The following GRIA3 variants were observed in gnomAD, a reference collection of about 807,000 sequenced individuals.
The protein encoded by GRIA3 is glutamate ionotropic receptor AMPA type subunit 3.
Under a neutral mutation model 63.0 loss-of-function variants are expected in GRIA3, and 3 were observed. That is an observed-to-expected ratio of 0.05 (90% CI 0.02 to 0.12). The LOEUF (loss-of-function observed/expected upper bound fraction) is 0.12, where lower values mean the gene tolerates loss of function less well. GRIA3 is among the 10% of genes least tolerant of loss of function. The pLI, the probability that GRIA3 is intolerant of heterozygous loss-of-function variation, is 1.00. For synonymous variants in GRIA3, 274 were observed against 257.9 expected (o/e 1.06, Z -0.60); for missense variants, 347 against 700.9 (o/e 0.50, Z 5.70).
chrX:123,474,730 T>G (rs911909256), intron 13 of GRIA3, among the ~76,000 whole-genome samples: 2 of 111,478 alleles, frequency 1.8e-5, no homozygotes, highest in African/African-American at 6.5e-5. Context: ...GTTTCTACTT[T>G]CACAGAAAAA....
chrX:123,488,492 A>G (rs1338388153), intron 15 of GRIA3, among the ~76,000 whole-genome samples: 1 of 112,130 alleles, frequency 8.9e-6, no homozygotes, highest in Non-Finnish European at 1.9e-5. Flanking sequence ...GCCTTGAATT[A>G]AACTTCCTGC....
rs1241722995 is a variant in GRIA3, at chrX:123,412,959, A to T, written c.1501-4443A>T. Among the ~76,000 whole-genome samples the T allele has an allele frequency of 1.3e-4, 15 of 111,806 alleles. No individual in the cohort carries two copies. The Admixed American group carries it at 1.4e-3, about 11-fold the overall frequency. Reference sequence around the variant, plus strand: ...TACAGAAATGCCAGGCTGAGGAAAAAAAAAGGCAGTGCCTAAGGGAAGCAG... The same window carrying T: ...TACAGAAATGCCAGGCTGAGGAAAATAAAAGGCAGTGCCTAAGGGAAGCAG... On this transcript the variant is annotated intron_variant, in intron 10 of 15. Coordinates refer to ENST00000620443, the MANE Select transcript of GRIA3 (RefSeq NM_007325.5).
intron 3 of GRIA3, among the ~76,000 whole-genome samples, chrX:123,300,647 TTTG>T (rs1043102336): frequency 2.7e-5 from 3 of 109,594 alleles, no homozygotes; most frequent in Middle Eastern, 8.4e-3. Context: ...TGTTTGTTTG[TTTG>T]TTTTTTGTAT....
chrX:123,471,989 T>TTATATATATATATATATATA, intron 13 of GRIA3, among the ~76,000 whole-genome samples: 1 of 4,027 alleles, frequency 2.5e-4, no homozygotes, highest in Non-Finnish European at 1.7e-3. Context: ...GCAATGGCAT[T>TTATATATATATATATATATA]CATATATATA....
At chrX:123,349,612 C>T (rs1223627719) in intron 4 of GRIA3, among the ~76,000 whole-genome samples, 1 of 112,444 alleles carries the variant, frequency 8.9e-6, no homozygotes, top group East Asian at 2.8e-4. Flanking sequence ...AAGCTTCAGC[C>T]TGTCTTTCTC....
intron 12 of GRIA3, among the ~76,000 whole-genome samples, chrX:123,453,057 T>C (rs900930030): frequency 1.8e-5 from 2 of 112,073 alleles, no homozygotes; most frequent in Admixed American, 9.4e-5. Flanking sequence ...ACCCAAAGGA[T>C]TATAAATCAT....
chrX:123,345,439 A>AACACACACACACAC lies in GRIA3; in HGVS notation c.697-9428_697-9415dup, dbSNP rs59142587. Reference sequence around the variant, plus strand: ...TCTCTGAGTGGGAGCCCCCCTTCACAACACACACACACACACACACACACA... The same window carrying AACACACACACACAC: ...TCTCTGAGTGGGAGCCCCCCTTCACAACACACACACACACACACACACACACACACACACACACA... On this transcript the variant is annotated intron_variant, in intron 4 of 15. Transcript: ENST00000620443. 2.6e-3 allele frequency among the ~76,000 whole-genome samples: 172 copies of AACACACACACACAC among 65,871 alleles called. 4 individuals are homozygous for AACACACACACACAC. The highest frequency in any genetic ancestry group is 0.01 in the African/African-American group (155 of 15,178). 57.2% of individuals were successfully genotyped at this position (65,871 alleles called of 115,157 possible).
At chrX:123,439,877 T>A (rs2045664304) in intron 12 of GRIA3, among the ~76,000 whole-genome samples, 1 of 111,232 alleles carries the variant, frequency 9.0e-6, no homozygotes, top group Non-Finnish European at 1.9e-5. Context: ...GTTGTATAGA[T>A]TATTTCATCA....
At chrX:123,268,226 C>A (rs909511521) in intron 3 of GRIA3, among the ~76,000 whole-genome samples, 1 of 111,435 alleles carries the variant, frequency 9.0e-6, no homozygotes, top group South Asian at 3.8e-4. Flanking sequence ...GGTTCCAACA[C>A]GCATACTACA....
Position 123,421,951 on chromosome X carries a change from G to A in GRIA3, c.1877+4173G>A, listed in dbSNP as rs907739381. Reference sequence around the variant, plus strand: ...GCTTTTTCCAATATCACAGACAAGGGAACAGCACCCGAAGGATGATGTGAT... The same window carrying A: ...GCTTTTTCCAATATCACAGACAAGGAAACAGCACCCGAAGGATGATGTGAT... On this transcript the variant is annotated intron_variant, in intron 11 of 15. Transcript: ENST00000620443. Among the ~76,000 whole-genome samples the A allele has an allele frequency of 2.2e-4, 24 of 111,621 alleles. 1 individual carries two copies. The highest frequency in any genetic ancestry group is 3.8e-4 in the Non-Finnish European group (20 of 53,089).
chrX:123,243,498 G>A, intron 2 of GRIA3, among the ~76,000 whole-genome samples: 1 of 111,634 alleles, frequency 9.0e-6, no homozygotes, highest in East Asian at 2.8e-4. Flanking sequence ...TCACATGCTA[G>A]TCTCTTTGCA....
At chrX:123,359,695 C>G (rs1245577502) in intron 5 of GRIA3, among the ~76,000 whole-genome samples, 1 of 111,917 alleles carries the variant, frequency 8.9e-6, no homozygotes, top group East Asian at 2.8e-4. Flanking sequence ...GATCCAACAA[C>G]AGATGTTCAT....
intron 12 of GRIA3, among the ~76,000 whole-genome samples, chrX:123,459,819 C>CAAAA (rs10716553): frequency 1.1e-5 from 1 of 91,179 alleles, no homozygotes. Context: ...AGACAGAATG[C>CAAAA]AAAAAAAAAA....
chrX:123,403,666 C>A (rs1331613094), intron 9 of GRIA3, 147 bp downstream of exon 9: 4 of 508,365 alleles, frequency 7.9e-6, no homozygotes, highest in Non-Finnish European at 7.0e-6. Context: ...AAGTATCTTG[C>A]CATGATGATG....
chrX:123,419,382 C>T (rs2045552354), intron 11 of GRIA3, among the ~76,000 whole-genome samples: 1 of 103,123 alleles, frequency 9.7e-6, no homozygotes, highest in East Asian at 3.1e-4. Context: ...GCACTCCAGC[C>T]TGGGCAACAA....
intron 2 of GRIA3, among the ~76,000 whole-genome samples, chrX:123,224,888 C>T (rs1432026452): frequency 8.9e-6 from 1 of 111,860 alleles, no homozygotes; most frequent in African/African-American, 3.3e-5. Flanking sequence ...TTCCCCCTTC[C>T]CATATCCAAA....
intron 3 of GRIA3, among the ~76,000 whole-genome samples, chrX:123,299,307 ATTGC>A (rs1249044199): frequency 9.0e-6 from 1 of 111,425 alleles, no homozygotes; most frequent in Non-Finnish European, 1.9e-5. Context: ...GAGTCTATAA[ATTGC>A]TTTGGGCAGT....
intron 2 of GRIA3, among the ~76,000 whole-genome samples, chrX:123,217,340 G>A (rs748046395): frequency 3.6e-5 from 4 of 111,405 alleles, no homozygotes; most frequent in Non-Finnish European, 7.5e-5. Context: ...TGGAGAAGAG[G>A]GTGGAGGAAA....
chrX:123,315,745 A>G (rs2044826748), intron 3 of GRIA3, among the ~76,000 whole-genome samples: 1 of 111,951 alleles, frequency 8.9e-6, no homozygotes, highest in Non-Finnish European at 1.9e-5. Context: ...TAGCTTCTCC[A>G]TTGCTTTACT....
Sources: allele counts gnomAD v4.1 joint callset (sites outside exome capture counted in the v4.1 genomes callset), GRCh38; gene constraint gnomAD v4.1.1; transcripts MANE v1.5; gene names NCBI Gene and HGNC (gene_info 2026-07-23, HGNC 2026-07-21).